Variants in GALNT17 observed in about 807,000 individuals in gnomAD.
GALNT17 encodes polypeptide N-acetylgalactosaminyltransferase 17, also known as UDP-GalNAc:polypeptide N-acetylgalactosaminyltransferase-like 3.
A neutral mutation model predicts 63.7 loss-of-function variants in GALNT17; 29 were observed. The ratio of observed to expected loss-of-function variants is 0.46; its 90% CI spans 0.34 to 0.62. GALNT17 has a LOEUF of 0.62. GALNT17 is among the 20% of genes least tolerant of loss of function. GALNT17 has a pLI of 0.01. For synonymous variants in GALNT17, 305 were observed against 318.3 expected (o/e 0.96, Z 0.45); for missense variants, 603 against 799.6 (o/e 0.75, Z 2.97).
At chr7:71,364,188 C>T (rs1792459139) in intron 2 of GALNT17, among the ~76,000 whole-genome samples, 1 of 152,104 alleles carries the variant, frequency 6.6e-6, no homozygotes, top group African/African-American at 2.4e-5. Context: ...CCCCAAAGTC[C>T]ATTGTATCAT....
intron 2 of GALNT17, among the ~76,000 whole-genome samples, chr7:71,339,562 C>T (rs540224389): frequency 1.8e-4 from 28 of 152,054 alleles, no homozygotes; most frequent in Admixed American, 1.4e-3. Flanking sequence ...TGGTGGTGCA[C>T]GCCTGTGGTC....
At chr7:71,597,864 C>G (rs1487850910) in intron 6 of GALNT17, among the ~76,000 whole-genome samples, 1 of 152,174 alleles carries the variant, frequency 6.6e-6, no homozygotes, top group Non-Finnish European at 1.5e-5. Flanking sequence ...CAGTGCCCCT[C>G]AAAGTCCTCA....
chr7:71,492,092 C>T (rs933300311), intron 5 of GALNT17, among the ~76,000 whole-genome samples: 30 of 152,032 alleles, frequency 2.0e-4, no homozygotes, highest in Admixed American at 1.8e-3. Flanking sequence ...CCATCCTGGC[C>T]AACATGGTGA....
At chr7:71,611,717 T>C (rs944252163) in intron 6 of GALNT17, among the ~76,000 whole-genome samples, 4 of 152,096 alleles carry the variant, frequency 2.6e-5, no homozygotes, top group Non-Finnish European at 5.9e-5. Flanking sequence ...AATTATGTAT[T>C]ATCTAGTGCC....
chr7:71,445,697 G>A (rs1563098686), intron 5 of GALNT17, among the ~76,000 whole-genome samples: 2 of 152,152 alleles, frequency 1.3e-5, no homozygotes, highest in Admixed American at 6.6e-5. Flanking sequence ...CCTGGAGACT[G>A]GAGACTGTCC....
rs1788782003 is a variant in GALNT17, at chr7:71,535,021, C to T, written c.963-36264C>T. The stretch of plus-strand genomic sequence containing the variant: ...TACAAAGAGAGGAGAATAGTACATA[C>T]AACCCTCGTCCCCCAAAGTAGTAGG... On this transcript the variant is annotated intron_variant, in intron 5 of 10. Transcript: ENST00000333538. 3.3e-5 allele frequency among the ~76,000 whole-genome samples: 5 copies of T among 152,136 alleles called. No individual in the cohort carries two copies. In the South Asian group the frequency reaches 1.0e-3, roughly 31 times the overall value.
rs139181753 is a variant in GALNT17, at chr7:71,581,320, C to T, written c.1080+9918C>T. ...GATTACAGATGTGCACTACCATGCT[C>T]GGCTAATTTTTGTATTTTTAGTAGA... On this transcript the variant is annotated intron_variant, in intron 6 of 10. Transcript: ENST00000333538. 1.4e-3 allele frequency among the ~76,000 whole-genome samples: 211 copies of T among 152,116 alleles called. 1 individual carries two copies. The South Asian group carries it at 0.028, about 20-fold the overall frequency.
At chr7:71,572,964 T>G (rs1376014890) in intron 6 of GALNT17, among the ~76,000 whole-genome samples, 1 of 152,148 alleles carries the variant, frequency 6.6e-6, no homozygotes, top group Non-Finnish European at 1.5e-5. Flanking sequence ...ATCATGTAGA[T>G]TCTCCCTTCA....
intron 2 of GALNT17, among the ~76,000 whole-genome samples, chr7:71,387,662 G>A (rs180973762): frequency 2.4e-4 from 37 of 152,246 alleles, no homozygotes; most frequent in Non-Finnish European, 4.4e-4. Flanking sequence ...AGGGGGTGGA[G>A]TAATCGCTTA....
chr7:71,490,586 C>A (rs1426669095), intron 5 of GALNT17, among the ~76,000 whole-genome samples: 4 of 151,986 alleles, frequency 2.6e-5, no homozygotes, highest in Admixed American at 2.6e-4. Context: ...GCAACATAGC[C>A]AGATGCCATC....
Position 71,359,978 on chromosome 7 carries a change from A to C in GALNT17, c.422+24245A>C, listed in dbSNP as rs369573944. Among the ~76,000 whole-genome samples the C allele has an allele frequency of 2.0e-5, 3 of 152,322 alleles. No individual in the cohort carries two copies. In the East Asian group the frequency reaches 5.8e-4, roughly 29 times the overall value. The stretch of plus-strand genomic sequence containing the variant: ...TTGGTTTTAAGTGGGGAGATACTAG[A>C]TTGAAGGCTTATGTGGATGGGAATA... On this transcript the variant is annotated intron_variant, in intron 2 of 10. Coordinates refer to ENST00000333538, the MANE Select transcript of GALNT17 (RefSeq NM_022479.3).
At chr7:71,548,737 C>T (rs1470235439) in intron 5 of GALNT17, among the ~76,000 whole-genome samples, 1 of 152,190 alleles carries the variant, frequency 6.6e-6, no homozygotes, top group Non-Finnish European at 1.5e-5. Context: ...GGTATTTCTT[C>T]ATAGGAGTGT....
intron 6 of GALNT17, among the ~76,000 whole-genome samples, chr7:71,597,260 C>T (rs1021924036): frequency 2.0e-5 from 3 of 151,820 alleles, no homozygotes; most frequent in African/African-American, 4.8e-5. Flanking sequence ...AGGATGGTCT[C>T]GATCTCCTAA....
At chr7:71,235,229 T>A (rs912347510) in intron 1 of GALNT17, among the ~76,000 whole-genome samples, 2 of 149,816 alleles carry the variant, frequency 1.3e-5, no homozygotes, top group African/African-American at 5.0e-5. Context: ...CCAGCCTGGG[T>A]GACAGAGCAA....
intron 3 of GALNT17, among the ~76,000 whole-genome samples, chr7:71,388,804 G>A (rs1158881039): frequency 6.6e-6 from 1 of 152,134 alleles, no homozygotes; most frequent in Non-Finnish European, 1.5e-5. Context: ...TGGGATTACA[G>A]GAGTGTGCCA....
At chr7:71,357,624 C>T (rs1295739332) in intron 2 of GALNT17, among the ~76,000 whole-genome samples, 1 of 152,112 alleles carries the variant, frequency 6.6e-6, no homozygotes, top group Middle Eastern at 3.2e-3. Flanking sequence ...TTTAAAGTCC[C>T]GTCTTTGGCT....
chr7:71,578,622 G>T (rs796940774), intron 6 of GALNT17, among the ~76,000 whole-genome samples: 5 of 152,224 alleles, frequency 3.3e-5, no homozygotes, highest in African/African-American at 1.2e-4. Context: ...GACCACAGCC[G>T]TGAGCCACTG....
intron 6 of GALNT17, among the ~76,000 whole-genome samples, chr7:71,598,751 A>C (rs1405394486): frequency 2.0e-5 from 3 of 152,136 alleles, no homozygotes; most frequent in Non-Finnish European, 2.9e-5. Context: ...GCCTGGGGTA[A>C]TCAGAGGTCT....
At chr7:71,135,473 G>A (rs935200782) in intron 1 of GALNT17, among the ~76,000 whole-genome samples, 4 of 152,144 alleles carry the variant, frequency 2.6e-5, no homozygotes, top group African/African-American at 9.7e-5. Context: ...TGAACAACTT[G>A]CTCACAGTCA....
Sources: allele counts gnomAD v4.1 joint callset (sites outside exome capture counted in the v4.1 genomes callset), GRCh38; gene constraint gnomAD v4.1.1; transcripts MANE v1.5; gene names NCBI Gene and HGNC (gene_info 2026-07-23, HGNC 2026-07-21).